The following NLGN1 variants were observed in gnomAD, a reference collection of about 807,000 sequenced individuals.
The protein encoded by NLGN1 is neuroligin 1.
A neutral mutation model predicts 65.5 loss-of-function variants in NLGN1; 12 were observed. The observed-to-expected ratio is 0.18, with a 90% CI of 0.12 to 0.30. The LOEUF is 0.30. NLGN1 is among the 10% of genes least tolerant of loss of function. The pLI is 1.00. For synonymous variants in NLGN1, 350 were observed against 359.5 expected, an observed-to-expected ratio of 0.97 and a Z score of 0.30; for missense variants, 750 against 1,007.1, an observed-to-expected ratio of 0.74 and a Z score of 3.46.
intron 4 of NLGN1, among the ~76,000 whole-genome samples, chr3:174,018,012 CA>C (rs1246877726): frequency 2.6e-5 from 4 of 152,136 alleles, no homozygotes; most frequent in African/African-American, 9.7e-5. Context: ...CCCTTATCTG[CA>C]ACCATAAAAG....
At chr3:173,787,903 G>A (rs1046011448) in intron 3 of NLGN1, among the ~76,000 whole-genome samples, 1 of 152,106 alleles carries the variant, frequency 6.6e-6, no homozygotes, top group African/African-American at 2.4e-5. Context: ...CCTTTTAAAC[G>A]TGATCACAGA....
chr3:173,801,175 C>G (rs1013537801), intron 3 of NLGN1, among the ~76,000 whole-genome samples: 1 of 151,970 alleles, frequency 6.6e-6, no homozygotes, highest in Non-Finnish European at 1.5e-5. Context: ...TTTCTCCTTA[C>G]AACTTTCATT....
intron 4 of NLGN1, among the ~76,000 whole-genome samples, chr3:173,952,880 C>T (rs1748497767): frequency 6.6e-6 from 1 of 151,424 alleles, no homozygotes; most frequent in Non-Finnish European, 1.5e-5. Context: ...CAAGTTCAAG[C>T]GATTCTCCTG....
intron 2 of NLGN1, among the ~76,000 whole-genome samples, chr3:173,497,396 A>G (rs1730209085): frequency 5.3e-5 from 2 of 38,084 alleles, no homozygotes; most frequent in Admixed American, 5.8e-4. Flanking sequence ...CTCAAAATAA[A>G]TAAATAAATA....
chr3:173,501,306 C>G (rs961356089), intron 2 of NLGN1, among the ~76,000 whole-genome samples: 2 of 151,994 alleles, frequency 1.3e-5, no homozygotes, highest in Non-Finnish European at 2.9e-5. Context: ...CTCCATGTGT[C>G]AATGTGTTCT....
rs947679250 is a variant in NLGN1, at chr3:173,689,015, C to T, written c.493+83924C>T. ...CTAATAATTTATGGCTAACATCTGC[C>T]GCTAATGTCATTTATGTCCTACTCT... On this transcript the variant is annotated intron_variant, in intron 3 of 6. Transcript: ENST00000457714. Among the ~76,000 whole-genome samples, 23 of 152,220 alleles carry T rather than the reference C, an allele frequency of 1.5e-4. No homozygotes were observed. The South Asian group carries it at 2.1e-3, about 14-fold the overall frequency.
At chr3:173,967,421 G>C (rs1382932352) in intron 4 of NLGN1, among the ~76,000 whole-genome samples, 2 of 152,094 alleles carry the variant, frequency 1.3e-5, no homozygotes, top group Admixed American at 6.6e-5. Flanking sequence ...AATAGATGTA[G>C]CTAGGTCTTT....
At chr3:174,210,314 A>AG (rs766536550) in intron 4 of NLGN1, among the ~76,000 whole-genome samples, 2 of 152,216 alleles carry the variant, frequency 1.3e-5, no homozygotes, top group Non-Finnish European at 2.9e-5. Flanking sequence ...TGAAAGATAC[A>AG]GGGGATGAAG....
intron 4 of NLGN1, among the ~76,000 whole-genome samples, chr3:174,139,073 TAAGTA>T (rs1721790146): frequency 1.3e-5 from 2 of 152,130 alleles, no homozygotes; most frequent in Admixed American, 6.5e-5. Context: ...GTACTAAAAC[TAAGTA>T]TATTGCACAT....
chr3:174,025,154 A>AT (rs1479045636), intron 4 of NLGN1, among the ~76,000 whole-genome samples: 5 of 152,142 alleles, frequency 3.3e-5, no homozygotes, highest in African/African-American at 4.8e-5. Context: ...TTTATGTAGA[A>AT]TTTTTTTCTA....
intron 2 of NLGN1, among the ~76,000 whole-genome samples, chr3:173,468,051 A>G (rs1724666307): frequency 6.6e-6 from 1 of 152,118 alleles, no homozygotes; most frequent in South Asian, 2.1e-4. Context: ...TCAGACAAAC[A>G]CATACTATAC....
chr3:173,781,100 G>T (rs371775511), intron 3 of NLGN1, among the ~76,000 whole-genome samples: 2 of 124,782 alleles, frequency 1.6e-5, no homozygotes, highest in East Asian at 4.4e-4. Flanking sequence ...AGCCAAGATC[G>T]CGCCACTGCA....
At chr3:173,949,703 T>C (rs1747840639) in intron 4 of NLGN1, among the ~76,000 whole-genome samples, 1 of 152,182 alleles carries the variant, frequency 6.6e-6, no homozygotes, top group African/African-American at 2.4e-5. Context: ...AAGTGAAACA[T>C]GACACTGTCG....
chr3:173,402,796 A>C (rs1456050135), intron 1 of NLGN1, among the ~76,000 whole-genome samples: 1 of 152,196 alleles, frequency 6.6e-6, no homozygotes, highest in African/African-American at 2.4e-5. Flanking sequence ...TGAATGACTA[A>C]AACTATGTCA....
intron 2 of NLGN1, among the ~76,000 whole-genome samples, chr3:173,500,869 T>TTAA (rs2149056193): frequency 6.6e-6 from 1 of 152,214 alleles, no homozygotes; most frequent in African/African-American, 2.4e-5. Context: ...TATAATGGTG[T>TTAA]TAATTGAGTA....
At chr3:173,666,047 A>G (rs1245010568) in intron 3 of NLGN1, among the ~76,000 whole-genome samples, 1 of 152,182 alleles carries the variant, frequency 6.6e-6, no homozygotes, top group Non-Finnish European at 1.5e-5. Flanking sequence ...ATACTTTACC[A>G]TACTGTTGTA....
At chr3:174,026,303 T>C (rs1194253760) in intron 4 of NLGN1, among the ~76,000 whole-genome samples, 1 of 152,028 alleles carries the variant, frequency 6.6e-6, no homozygotes, top group Non-Finnish European at 1.5e-5. Flanking sequence ...TTTTTGTATT[T>C]TTTGTAGAGA....
intron 3 of NLGN1, among the ~76,000 whole-genome samples, chr3:173,758,792 T>C (rs1193057883): frequency 6.6e-6 from 1 of 151,996 alleles, no homozygotes; most frequent in East Asian, 1.9e-4. Context: ...TACATGAAGC[T>C]AAATAAATGA....
chr3:173,837,118 G>A (rs1051718931), intron 4 of NLGN1, among the ~76,000 whole-genome samples: 1 of 152,002 alleles, frequency 6.6e-6, no homozygotes, highest in Non-Finnish European at 1.5e-5. Context: ...TAAAATTGTA[G>A]GTTGAAGAAA....
Sources: gnomAD v4.1 joint callset for allele counts (sites outside exome capture counted in the v4.1 genomes callset) on GRCh38, gnomAD v4.1.1 for gene constraint, MANE v1.5 for transcripts, NCBI Gene and HGNC (gene_info 2026-07-23, HGNC 2026-07-21) for gene names.